The following NTRK3 variants were observed in gnomAD, a reference collection of about 807,000 sequenced individuals.
The protein encoded by NTRK3 is neurotrophic receptor tyrosine kinase 3, also known as NT-3 growth factor receptor.
A neutral mutation model predicts 91.7 loss-of-function variants in NTRK3; 24 were observed. That is an observed-to-expected ratio of 0.26 (90% confidence interval 0.19 to 0.37). NTRK3 has a LOEUF of 0.37. NTRK3 is among the 10% of genes least tolerant of loss of function. The probability of loss-of-function intolerance (pLI) is 1.00; values close to 1 mark genes in which losing one functional copy is unlikely to be tolerated. For missense variants in NTRK3, 880 were observed against 1,068.9 expected, an observed-to-expected ratio of 0.82 and a Z score of 2.46; for synonymous variants, 483 against 404.0, an observed-to-expected ratio of 1.20 and a Z score of -2.34.
chr15:88,122,249 T>C (rs1373017374), intron 13 of NTRK3, among the ~76,000 whole-genome samples: 1 of 152,226 alleles, frequency 6.6e-6, no homozygotes, highest in Admixed American at 6.5e-5. Context: ...CATATACATA[T>C]AGGTAGAAGT....
intron 5 of NTRK3, among the ~76,000 whole-genome samples, chr15:88,180,910 A>G (rs1373698021): frequency 6.6e-6 from 1 of 152,174 alleles, no homozygotes; most frequent in African/African-American, 2.4e-5. Flanking sequence ...GTGTCTTCAT[A>G]AATAAGAAAA....
Position 88,245,129 on chromosome 15 carries a change from T to C in NTRK3, c.248+10777A>G, listed in dbSNP as rs576024866. Among the ~76,000 whole-genome samples, 27 of 152,318 alleles carry C rather than the reference T, an allele frequency of 1.8e-4. No individual in the cohort carries two copies. The East Asian group carries it at 5.0e-3, about 28-fold the overall frequency. On this transcript the variant is annotated intron_variant, in intron 3 of 18. Transcript: ENST00000394480. ...TTTTTCCAAATACATGCCATCTTAG[T>C]CCTTCTCTTGCCTCCGTCAGCTTTG...
intron 14 of NTRK3, among the ~76,000 whole-genome samples, chr15:87,996,974 C>T (rs2075751526): frequency 6.6e-6 from 1 of 152,200 alleles, no homozygotes; most frequent in South Asian, 2.1e-4. Context: ...ACATTCAATG[C>T]CTAGCAGCCC....
chr15:88,051,862 C>T (rs1460305123), intron 13 of NTRK3, among the ~76,000 whole-genome samples: 1 of 152,140 alleles, frequency 6.6e-6, no homozygotes, highest in Non-Finnish European at 1.5e-5. Flanking sequence ...ATCTATATGC[C>T]CTAAAGTCTT....
chr15:88,141,331 T>C (rs1991286), intron 6 of NTRK3, among the ~76,000 whole-genome samples: 84,780 of 152,062 alleles, frequency 0.56, 25,103 homozygotes, highest in African/African-American at 0.78. Context: ...AGACTAAATG[T>C]CTTCCACGCA....
At chr15:88,189,206 CAG>C (rs1052887122) in intron 3 of NTRK3, among the ~76,000 whole-genome samples, 4 of 152,160 alleles carry the variant, frequency 2.6e-5, no homozygotes, top group Non-Finnish European at 4.4e-5. Context: ...AATGGCCATG[CAG>C]AGTCTCTTTG....
intron 13 of NTRK3, among the ~76,000 whole-genome samples, chr15:88,035,148 T>C (rs1352347364): frequency 4.6e-5 from 7 of 151,136 alleles, no homozygotes; most frequent in Non-Finnish European, 1.0e-4. Flanking sequence ...GAGGAAAGAG[T>C]TGAAGAAGAG....
At position 87,916,461 on chromosome 15, in the gene NTRK3, G is replaced by A. The variant is rs1278094418; in HGVS notation, c.2133+12730C>T. On this transcript the variant is annotated intron_variant, in intron 17 of 18. Coordinates refer to ENST00000394480, the Ensembl canonical transcript of NTRK3. ...CAGCCTTTTCCTCTCCTTTCCCGAGGACAGAATCCAATATAAGCATGCTTC... is the reference window on the plus strand; with the variant it reads ...CAGCCTTTTCCTCTCCTTTCCCGAGAACAGAATCCAATATAAGCATGCTTC... 6 of 700,588 alleles carry A rather than the reference G, an allele frequency of 8.6e-6. No individual in the cohort carries two copies. In the Admixed American group the frequency reaches 1.2e-4, roughly 14 times the overall value. 43.4% of individuals were successfully genotyped at this position (700,588 alleles called of 1,614,324 possible).
intron 3 of NTRK3, among the ~76,000 whole-genome samples, chr15:88,208,627 G>GC (rs2048989086): frequency 6.6e-6 from 1 of 152,116 alleles, no homozygotes; most frequent in Non-Finnish European, 1.5e-5. Flanking sequence ...ACAATGCCTG[G>GC]CCACAGAGTA....
intron 13 of NTRK3, among the ~76,000 whole-genome samples, chr15:88,046,694 T>A (rs2080233558): frequency 6.6e-6 from 1 of 152,174 alleles, no homozygotes; most frequent in African/African-American, 2.4e-5. Context: ...ACCTTGAACC[T>A]TGGCTGCTGT....
At position 87,874,098 on chromosome 15, in the gene NTRK3, C is replaced by A. The variant is rs2064889789; in HGVS notation, c.*2837G>T. 2.6e-5 allele frequency: 6 copies of A among 229,382 alleles called. 1 individual carries two copies. In the South Asian group the frequency reaches 5.5e-4, roughly 21 times the overall value. The allele number at this position is 229,382 out of a possible 1,614,324, so 14.2% of individuals were successfully genotyped here. On this transcript the variant is annotated 3_prime_UTR_variant, in exon 19 of 19. Coordinates refer to ENST00000394480, the Ensembl canonical transcript of NTRK3. ...GTACTAAGCCTTATCAGTCCTGTCC[C>A]AATATAGGAGGGACAGGTGTGTCCC...
chr15:88,189,222 AT>A (rs1178248231), intron 3 of NTRK3, among the ~76,000 whole-genome samples: 2 of 152,134 alleles, frequency 1.3e-5, no homozygotes, highest in East Asian at 3.9e-4. Flanking sequence ...CTCTTTGGCA[AT>A]TCTAAAAAAT....
chr15:88,092,021 G>A (rs1482194946), intron 13 of NTRK3, among the ~76,000 whole-genome samples: 1 of 152,164 alleles, frequency 6.6e-6, no homozygotes, highest in African/African-American at 2.4e-5. Context: ...CCATCTCACA[G>A]TAGATCACAC....
At chr15:87,910,943 T>C (rs1457843828) in intron 17 of NTRK3, among the ~76,000 whole-genome samples, 1 of 152,158 alleles carries the variant, frequency 6.6e-6, no homozygotes, top group Non-Finnish European at 1.5e-5. Context: ...TTCAATTCAG[T>C]GGTAAGATCA....
intron 13 of NTRK3, among the ~76,000 whole-genome samples, chr15:88,084,672 T>A (rs1293879685): frequency 6.6e-6 from 1 of 152,188 alleles, no homozygotes; most frequent in South Asian, 2.1e-4. Context: ...GTGAGTCTCC[T>A]CTGCAGCTGC....
At position 87,867,812 on chromosome 15, in the gene NTRK3, G is replaced by A. The variant is rs180753288; in HGVS notation, c.*9123C>T. ...TTTATATTTGCACTTACTACTATTT[G>A]TTACTCAGGAACAAATTCAGTACCA... On this transcript the variant is annotated 3_prime_UTR_variant, in exon 19 of 19. Coordinates refer to ENST00000394480, the Ensembl canonical transcript of NTRK3. 28 of 227,240 alleles carry A rather than the reference G, an allele frequency of 1.2e-4. No individual in the cohort carries two copies. The East Asian group carries it at 1.8e-3, about 14-fold the overall frequency. 14.1% of individuals were successfully genotyped at this position (227,240 alleles called of 1,614,324 possible).
intron 14 of NTRK3, chr15:87,978,017 T>G (rs1596492186): frequency 8.6e-6 from 2 of 233,380 alleles, no homozygotes; most frequent in Non-Finnish European, 1.7e-5. Context: ...TTTCATGCTC[T>G]CCACCATTAG....
At chr15:87,912,934 ATATATATATATATATATATATATAT>A (rs2067196689) in intron 17 of NTRK3, among the ~76,000 whole-genome samples, 1 of 21,736 alleles carries the variant, frequency 4.6e-5, no homozygotes, top group Non-Finnish European at 7.4e-5. Flanking sequence ...AAAAAAAAAT[ATATATATATATATATATATATATAT>A]ATATATATAT....
At chr15:88,103,317 C>G (rs1319506528) in intron 13 of NTRK3, among the ~76,000 whole-genome samples, 2 of 152,128 alleles carry the variant, frequency 1.3e-5, no homozygotes, top group African/African-American at 2.4e-5. Context: ...AGAAGAAATC[C>G]TGCCTCAAGA....
Sources: gnomAD v4.1 joint callset for allele counts (sites outside exome capture counted in the v4.1 genomes callset) on GRCh38, gnomAD v4.1.1 for gene constraint, MANE v1.5 for transcripts, NCBI Gene and HGNC (gene_info 2026-07-23, HGNC 2026-07-21) for gene names.